CAMSAP2: variants seen among roughly 807,000 people sequenced by gnomAD.
CAMSAP2 encodes the protein calmodulin-regulated spectrin-associated protein 2.
Under a neutral mutation model 146.1 loss-of-function variants are expected in CAMSAP2, and 26 were observed. That is an observed-to-expected ratio of 0.18 (90% confidence interval 0.13 to 0.25). The LOEUF (loss-of-function observed/expected upper bound fraction) is 0.25, where lower values mean the gene tolerates loss of function less well. CAMSAP2 is among the 10% of genes least tolerant of loss of function. The pLI is 1.00. For missense variants in CAMSAP2, 1,381 were observed against 1,759.3 expected (o/e 0.78, Z 3.85); for synonymous variants, 499 against 596.6 (o/e 0.84, Z 2.38).
In CAMSAP2 at chr1:200,832,463, A is replaced by G. The variant is rs1667068707; in HGVS notation, c.787+122A>G. ...GACCCTGTCTCAAAAAAAAGACAATATTATTTAATAAGTACTGAAGACTTT... is the reference window on the plus strand; with the variant it reads ...GACCCTGTCTCAAAAAAAAGACAATGTTATTTAATAAGTACTGAAGACTTT... On this transcript the variant is annotated intron_variant, in intron 5 of 16. Transcript: ENST00000358823. This position sits in a 1 kb window ranked among gnomAD's most constrained non-coding sequence, Gnocchi z 4.2. 10 of 958,834 alleles carry G rather than the reference A, an allele frequency of 1.0e-5. No individual in the cohort carries two copies. The highest frequency in any genetic ancestry group is 1.5e-5 in the Non-Finnish European group (10 of 677,158). The allele number at this position is 958,834 out of a possible 1,614,324, so 59.4% of individuals were successfully genotyped here.
In CAMSAP2 at chr1:200,849,993, T is replaced by G. The variant is rs762423352; in HGVS notation, c.3224T>G (p.Leu1075Arg). 1 of 1,614,164 alleles carries G rather than the reference T, an allele frequency of 6.2e-7. No homozygotes were observed. The highest frequency in any genetic ancestry group is 8.5e-7 in the Non-Finnish European group (1 of 1,180,028). Residue 1075 changes from leucine to arginine, a missense_variant, in exon 11 of 17, where the codon CTG becomes CGG. Leu to Arg is a moderately radical substitution (Grantham distance 102). This residue lies in a region of CAMSAP2 where 560 missense variants were observed against 715.9 expected (regional missense o/e 0.78). Coordinates refer to ENST00000358823, the MANE Select transcript of CAMSAP2 (RefSeq NM_203459.4). This position sits in a 1 kb window ranked among gnomAD's most constrained non-coding sequence, Gnocchi z 6.3. ...FESTVSEVLS[L>R]PVTETVCLTP... The stretch of plus-strand genomic sequence containing the variant: ...TCAACAGTCTCTGAAGTCCTATCAC[T>G]GCCTGTCACAGAGACTGTATGTCTG...
chr1:200,800,414 T>C (rs779706994), intron 2 of CAMSAP2, among the ~76,000 whole-genome samples: 4 of 152,218 alleles, frequency 2.6e-5, no homozygotes, highest in African/African-American at 7.2e-5. Context: ...TTTACCATTA[T>C]GGAATGCCCT....
intron 1 of CAMSAP2, among the ~76,000 whole-genome samples, chr1:200,748,271 A>C (rs1283496270): frequency 1.3e-5 from 2 of 152,218 alleles, no homozygotes; most frequent in African/African-American, 4.8e-5. Context: ...AACAAATTCC[A>C]AACATCATGT....
chr1:200,762,671 G>A (rs1262349854), intron 2 of CAMSAP2, among the ~76,000 whole-genome samples: 4 of 152,168 alleles, frequency 2.6e-5, no homozygotes, highest in Non-Finnish European at 5.9e-5. Context: ...CTTATCCTTA[G>A]AGTGTCTATT....
At chr1:200,782,416 C>T (rs1665459876) in intron 2 of CAMSAP2, among the ~76,000 whole-genome samples, 1 of 152,134 alleles carries the variant, frequency 6.6e-6, no homozygotes, top group African/African-American at 2.4e-5. Flanking sequence ...AGATATAGAA[C>T]ATAATAACCC....
chr1:200,762,584 C>A (rs1033895863), intron 2 of CAMSAP2, among the ~76,000 whole-genome samples: 1 of 152,196 alleles, frequency 6.6e-6, no homozygotes, highest in Non-Finnish European at 1.5e-5. Flanking sequence ...TTAGAAAGCA[C>A]ATCCATGACT....
At chr1:200,788,894 C>T (rs1159820926) in intron 2 of CAMSAP2, among the ~76,000 whole-genome samples, 2 of 151,782 alleles carry the variant, frequency 1.3e-5, no homozygotes, top group Non-Finnish European at 2.9e-5. Context: ...TCGGGTGATC[C>T]GCCCACCTCA....
At chr1:200,768,724 G>A (rs186560123) in intron 2 of CAMSAP2, among the ~76,000 whole-genome samples, 4 of 152,238 alleles carry the variant, frequency 2.6e-5, no homozygotes, top group African/African-American at 7.2e-5. Flanking sequence ...CGCGATCTCG[G>A]CTCACTGCAA....
At chr1:200,846,773 A>G (rs1667469236) in intron 8 of CAMSAP2, among the ~76,000 whole-genome samples, 1 of 152,212 alleles carries the variant, frequency 6.6e-6, no homozygotes, top group African/African-American at 2.4e-5. Flanking sequence ...CAGCTACTCC[A>G]CACACTTGGC....
At chr1:200,793,148 T>C (rs1222642292) in intron 2 of CAMSAP2, among the ~76,000 whole-genome samples, 1 of 136,262 alleles carries the variant, frequency 7.3e-6, no homozygotes, top group South Asian at 2.5e-4. Flanking sequence ...CCAACAATGA[T>C]CAGCAGTTTG....
intron 2 of CAMSAP2, among the ~76,000 whole-genome samples, chr1:200,796,673 CT>C (rs58160624): frequency 0.18 from 26,302 of 142,236 alleles, 2,966 homozygotes; most frequent in East Asian, 0.37. Flanking sequence ...TTTTTTTTGT[CT>C]TTTTTTTTTT....
intron 2 of CAMSAP2, among the ~76,000 whole-genome samples, chr1:200,762,834 A>T (rs1664837951): frequency 6.6e-6 from 1 of 152,152 alleles, no homozygotes; most frequent in South Asian, 2.1e-4. Flanking sequence ...TTCACACTTT[A>T]TTGATCCTGC....
At chr1:200,808,338 G>A (rs2102146951) in intron 3 of CAMSAP2, among the ~76,000 whole-genome samples, 1 of 152,276 alleles carries the variant, frequency 6.6e-6, no homozygotes, top group East Asian at 1.9e-4. Flanking sequence ...GCCAATTTGA[G>A]TAGTTAATTT....
intron 1 of CAMSAP2, among the ~76,000 whole-genome samples, chr1:200,755,458 T>C (rs961919102): frequency 1.3e-5 from 2 of 152,194 alleles, no homozygotes; most frequent in African/African-American, 2.4e-5. Context: ...TTAGGTTTCT[T>C]TGTGACACCC....
At chr1:200,801,680 TTGATTTTCAATCTC>T (rs1193590710) in intron 2 of CAMSAP2, among the ~76,000 whole-genome samples, 4 of 152,212 alleles carry the variant, frequency 2.6e-5, no homozygotes, top group African/African-American at 9.6e-5. Context: ...TTTTATTAAG[TTGATTTTCAATCTC>T]TGATATCCTT....
At position 200,849,451 on chromosome 1, in the gene CAMSAP2, A is replaced by G; in HGVS notation, c.2682A>G (p.Leu894=). The G allele has an allele frequency of 6.2e-7, 1 of 1,614,210 alleles. No homozygotes were observed. The highest frequency in any genetic ancestry group is 8.5e-7 in the Non-Finnish European group (1 of 1,180,004). Residue 894 remains leucine (L), a synonymous_variant, in exon 11 of 17, where the codon CTA becomes CTG. Transcript: ENST00000358823. The surrounding 1 kb of genome is among the most constrained non-coding windows in gnomAD (Gnocchi z 6.3). ...AGTTAAATTCATCCCTGCATTTTCT[A>G]CAACAAGAAATGCAACGCTTGTCAC... ...IEKLNSSLHF[L]QQEMQRLSLQ...
chr1:200,761,838 T>C (rs937065605), intron 2 of CAMSAP2, among the ~76,000 whole-genome samples: 10 of 152,250 alleles, frequency 6.6e-5, no homozygotes, highest in African/African-American at 2.4e-4. Flanking sequence ...CTCATTCTTG[T>C]AGACAACACA....
At chr1:200,757,777 A>G (rs890606540) in intron 1 of CAMSAP2, among the ~76,000 whole-genome samples, 1 of 152,200 alleles carries the variant, frequency 6.6e-6, no homozygotes, top group Non-Finnish European at 1.5e-5. Flanking sequence ...AGGGCTGAAA[A>G]ATCTATTTTT....
intron 7 of CAMSAP2, among the ~76,000 whole-genome samples, chr1:200,843,794 G>A (rs1667386106): frequency 6.6e-6 from 1 of 151,994 alleles, no homozygotes; most frequent in African/African-American, 2.4e-5. Flanking sequence ...TGTATCTGAA[G>A]TTCTATGAAA....
Sources: allele counts gnomAD v4.1 joint callset (sites outside exome capture counted in the v4.1 genomes callset), GRCh38; gene constraint gnomAD v4.1.1; regional missense constraint gnomAD v4.1.1; non-coding constraint Gnocchi (gnomAD v3.1); transcripts MANE v1.5; gene names NCBI Gene and HGNC (gene_info 2026-07-23, HGNC 2026-07-21).